The following RAB35 variants were observed in gnomAD, a reference collection of about 807,000 sequenced individuals.
RAB35 encodes ras-related protein Rab-35.
Under a neutral mutation model 28.9 loss-of-function variants are expected in RAB35, and 4 were observed. The ratio of observed to expected loss-of-function variants is 0.14; its 90% confidence interval spans 0.07 to 0.32. The LOEUF is 0.32. RAB35 is among the 10% of genes least tolerant of loss of function. The pLI, the probability that RAB35 is intolerant of heterozygous loss-of-function variation, is 1.00. For missense variants in RAB35, 128 were observed against 274.0 expected (o/e 0.47, Z 3.76); for synonymous variants, 99 against 105.1 (o/e 0.94, Z 0.35).
Position 120,103,006 on chromosome 12 carries a change from G to A in RAB35, c.227+820C>T, listed in dbSNP as rs1203508689. 2.6e-5 allele frequency among the ~76,000 whole-genome samples: 4 copies of A among 152,238 alleles called. No individual in the cohort carries two copies. The South Asian group carries it at 6.2e-4, about 24-fold the overall frequency. Reference sequence around the variant, plus strand: ...ACAGAGCTGCCAGACACCACACCCCGGCACGCACGTTGACGCCTGCAGCAG... The same window carrying A: ...ACAGAGCTGCCAGACACCACACCCCAGCACGCACGTTGACGCCTGCAGCAG... On this transcript the variant is annotated intron_variant, in intron 3 of 5. Coordinates refer to ENST00000229340, the MANE Select transcript of RAB35 (RefSeq NM_006861.7). The surrounding 1 kb of genome is among the most constrained non-coding windows in gnomAD (Gnocchi z 6.1).
chr12:120,102,264 A>G (rs1875689939), intron 3 of RAB35, among the ~76,000 whole-genome samples: 1 of 152,214 alleles, frequency 6.6e-6, no homozygotes. Flanking sequence ...AATCCTAGCG[A>G]CAGGACCAAC....
Position 120,096,636 on chromosome 12 carries a change from C to T in RAB35, c.*609G>A, listed in dbSNP as rs1223868893. ...CAGGGCCTGCCTTGAGACCAGGTTCCCCAGCTCCCAGAATGGCTGTGGGGA... is the reference window on the plus strand; with the variant it reads ...CAGGGCCTGCCTTGAGACCAGGTTCTCCAGCTCCCAGAATGGCTGTGGGGA... On this transcript the variant is annotated 3_prime_UTR_variant, in exon 6 of 6. Coordinates refer to ENST00000229340, the MANE Select transcript of RAB35 (RefSeq NM_006861.7). 1 of 1,289,880 alleles carries T rather than the reference C, an allele frequency of 7.8e-7. No individual in the cohort carries two copies. The highest frequency in any genetic ancestry group is 2.3e-5 in the Admixed American group (1 of 43,572). The allele number at this position is 1,289,880 out of a possible 1,614,324, so 79.9% of individuals were successfully genotyped here. A position where few individuals can be genotyped will look rare whatever the true frequency, so the allele number is the denominator to read the frequency against.
rs543003528 is a variant in RAB35, at chr12:120,109,657, CTT to C, written c.53-1192_53-1191del. Among the ~76,000 whole-genome samples the C allele has an allele frequency of 4.8e-3, 577 of 119,952 alleles. 1 individual carries two copies. Among genetic ancestry groups the C allele is most frequent in the African/African-American group, 0.014 (461 of 31,904 alleles). 78.7% of individuals were successfully genotyped at this position (119,952 alleles called of 152,430 possible). Reference sequence around the variant, plus strand: ...ACAGAGTCTGGCTACGTTGCCCAGGCTTTTTTTTTTTTTTTTTTTAATCTTTT... The same window carrying C: ...ACAGAGTCTGGCTACGTTGCCCAGGCTTTTTTTTTTTTTTTTTAATCTTTT... On this transcript the variant is annotated intron_variant, in intron 1 of 5. Coordinates refer to ENST00000229340, the MANE Select transcript of RAB35 (RefSeq NM_006861.7).
intron 3 of RAB35, among the ~76,000 whole-genome samples, chr12:120,100,648 G>T (rs1055860054): frequency 2.0e-5 from 3 of 152,148 alleles, no homozygotes; most frequent in Non-Finnish European, 4.4e-5. Context: ...CACCGCCCCT[G>T]CCCCATCCTT....
intron 2 of RAB35, among the ~76,000 whole-genome samples, chr12:120,107,070 C>G (rs111968246): frequency 9.8e-4 from 149 of 152,026 alleles, no homozygotes; most frequent in Middle Eastern, 6.8e-3. Flanking sequence ...CTCACTGCAA[C>G]CTCCCTCTCC....
At chr12:120,115,513 T>C (rs1876293468) in intron 1 of RAB35, among the ~76,000 whole-genome samples, 1 of 152,152 alleles carries the variant, frequency 6.6e-6, no homozygotes, top group East Asian at 1.9e-4. Flanking sequence ...CCATAAACCT[T>C]CTGGGGCCTG....
intron 2 of RAB35, among the ~76,000 whole-genome samples, chr12:120,107,064 C>A (rs1875911991): frequency 6.6e-6 from 1 of 152,052 alleles, no homozygotes; most frequent in Non-Finnish European, 1.5e-5. Context: ...TCTCAGCTCA[C>A]TGCAACCTCC....
At chr12:120,101,528 T>G (rs1002525884) in intron 3 of RAB35, among the ~76,000 whole-genome samples, 1 of 152,224 alleles carries the variant, frequency 6.6e-6, no homozygotes, top group African/African-American at 2.4e-5. Context: ...CTGAACGCCC[T>G]GCATCGGAAA....
At chr12:120,102,709 T>C (rs983920191) in intron 3 of RAB35, among the ~76,000 whole-genome samples, 1 of 152,136 alleles carries the variant, frequency 6.6e-6, no homozygotes, top group Non-Finnish European at 1.5e-5. Flanking sequence ...CCTCGGGAGA[T>C]GCCGAGGGGC....
In RAB35 at chr12:120,116,662, G is replaced by C. The variant is rs191322615; in HGVS notation, c.-12C>G. On this transcript the variant is annotated 5_prime_UTR_variant, in exon 1 of 6. Transcript: ENST00000229340. The stretch of plus-strand genomic sequence containing the variant: ...TAGTCCCGGGCCATGGCGGGCGGGG[G>C]CGGTGCGCGCGGGCGGGCGGGGTCG... 8.2e-7 allele frequency: 1 copy of C among 1,224,288 alleles called. No individual in the cohort carries two copies. The highest frequency in any genetic ancestry group is 1.0e-6 in the Non-Finnish European group (1 of 982,994). 75.8% of individuals were successfully genotyped at this position (1,224,288 alleles called of 1,614,324 possible). A position where few individuals can be genotyped will look rare whatever the true frequency, so the allele number is the denominator to read the frequency against.
Position 120,103,100 on chromosome 12 carries a change from C to T in RAB35, c.227+726G>A, listed in dbSNP as rs1875724378. On this transcript the variant is annotated intron_variant, in intron 3 of 5. Transcript: ENST00000229340. This position sits in a 1 kb window ranked among gnomAD's most constrained non-coding sequence, Gnocchi z 6.1. ...CCCTCCAGGAAACGAGCGCAGAGAG[C>T]TTCGGCAACTTGCCTAAGGACACAC... 6.6e-6 allele frequency among the ~76,000 whole-genome samples: 1 copy of T among 152,220 alleles called. No homozygotes were observed. The highest frequency in any genetic ancestry group is 2.1e-4 in the South Asian group (1 of 4,834).
At position 120,097,136 on chromosome 12, in the gene RAB35, G is replaced by T. The variant is rs1375081344; in HGVS notation, c.*109C>A. ...ACCTCCCGATACAAAAACATGGAGA[G>T]AATTCTTTAAATAACGGCACGAAAC... On this transcript the variant is annotated 3_prime_UTR_variant, in exon 6 of 6. Coordinates refer to ENST00000229340, the MANE Select transcript of RAB35 (RefSeq NM_006861.7). 3.7e-6 allele frequency: 6 copies of T among 1,608,156 alleles called. 1 individual carries two copies. The East Asian group carries it at 8.9e-5, about 24-fold the overall frequency.
chr12:120,114,282 G>A (rs371474802), intron 1 of RAB35, among the ~76,000 whole-genome samples: 6 of 152,188 alleles, frequency 3.9e-5, no homozygotes, highest in East Asian at 1.9e-4. Context: ...TAGTAGAGAC[G>A]AGGTTTCATC....
At chr12:120,101,487 C>G (rs887611865) in intron 3 of RAB35, among the ~76,000 whole-genome samples, 1 of 152,210 alleles carries the variant, frequency 6.6e-6, no homozygotes, top group African/African-American at 2.4e-5. Context: ...TTTTTCTCGC[C>G]AGGCTAACAG....
At chr12:120,116,453 G>C (rs1228251587) in intron 1 of RAB35, 146 bp downstream of exon 1, 1 of 477,304 alleles carries the variant, frequency 2.1e-6, no homozygotes, top group African/African-American at 2.1e-5. Flanking sequence ...GGAGCCCCTC[G>C]GCGCACCCCT....
At chr12:120,104,001 T>C (rs754581581) in intron 2 of RAB35, 52 bp from the exon 3 acceptor site, 17 of 1,600,788 alleles carry the variant, frequency 1.1e-5, no homozygotes, top group Non-Finnish European at 1.4e-5. Context: ...TCCCAGGCCC[T>C]GAGCCCCACG....
At chr12:120,115,224 A>G (rs1876281655) in intron 1 of RAB35, among the ~76,000 whole-genome samples, 1 of 151,664 alleles carries the variant, frequency 6.6e-6, no homozygotes, top group Non-Finnish European at 1.5e-5. Context: ...CAAACCACCA[A>G]CCACATCTCC....
chr12:120,105,849 G>A (rs1307026647), intron 2 of RAB35, among the ~76,000 whole-genome samples: 3 of 149,988 alleles, frequency 2.0e-5, no homozygotes, highest in African/African-American at 5.0e-5. Context: ...CCCGGGAGGC[G>A]GAGCTTGCAG....
At position 120,103,690 on chromosome 12, in the gene RAB35, C is replaced by T. The variant is rs892271825; in HGVS notation, c.227+136G>A. 1.4e-5 allele frequency: 19 copies of T among 1,314,890 alleles called. No homozygotes were observed. The highest frequency in any genetic ancestry group is 5.4e-5 in the South Asian group (4 of 74,030). 81.5% of individuals were successfully genotyped at this position (1,314,890 alleles called of 1,614,324 possible). ...GGGTGCAGCCAAACGCCACCTACTA[C>T]AGCCAACAACAGGCTCACTTCCCGA... On this transcript the variant is annotated intron_variant, in intron 3 of 5. Transcript: ENST00000229340. This position sits in a 1 kb window ranked among gnomAD's most constrained non-coding sequence, Gnocchi z 6.1.
Sources: allele counts gnomAD v4.1 joint callset (sites outside exome capture counted in the v4.1 genomes callset), GRCh38; gene constraint gnomAD v4.1.1; non-coding constraint Gnocchi (gnomAD v3.1); transcripts MANE v1.5; gene names NCBI Gene and HGNC (gene_info 2026-07-23, HGNC 2026-07-21).